Variants in CLEC10A observed in about 807,000 individuals in gnomAD.
CLEC10A encodes the protein C-type lectin domain family 10 member A.
In CLEC10A, 38 loss-of-function variants were observed where a neutral mutation model predicts 42.0. The ratio of observed to expected loss-of-function variants is 0.90; its 90% confidence interval spans 0.70 to 1.18. The LOEUF is 1.18. CLEC10A is among the 50% of genes most tolerant of loss of function. CLEC10A has a pLI of 0.00. For synonymous variants in CLEC10A, 126 were observed against 139.9 expected (o/e 0.90, Z 0.70); for missense variants, 298 against 345.9 (o/e 0.86, Z 1.10).
intron 5 of CLEC10A, 47 bp from the exon 6 acceptor site, chr17:7,076,118 C>G: frequency 1.9e-6 from 3 of 1,614,086 alleles, no homozygotes; most frequent in Non-Finnish European, 2.5e-6. Flanking sequence ...CTAGGTGTGC[C>G]TTCTGCGTAG....
chr17:7,075,915 G>A (rs1395693031), intron 6 of CLEC10A, 30 bp from the exon 7 acceptor site: 6 of 1,610,862 alleles, frequency 3.7e-6, no homozygotes, highest in Non-Finnish European at 5.1e-6. Flanking sequence ...ATAGGGTGGA[G>A]AGGCTGAGGC....
chr17:7,079,189 G>C, intron 1 of CLEC10A, among the ~76,000 whole-genome samples: 1 of 152,142 alleles, frequency 6.6e-6, no homozygotes, highest in East Asian at 1.9e-4. Flanking sequence ...GGTTAACTTT[G>C]GTGGTGAATT....
Position 7,077,318 on chromosome 17 carries a change from C to CCT in CLEC10A, c.185-332_185-331insAG, listed in dbSNP as rs1394342511. On this transcript the variant is annotated intron_variant, in intron 3 of 8. Transcript: ENST00000416562. ...CCCATCAATCACTCCATCAGTGCCC[C>CCT]CATCACCATTCCCATCAATCACTCC... Among the ~76,000 whole-genome samples, 581 of 128,794 alleles carry CCT rather than the reference C, an allele frequency of 4.5e-3. 53 individuals carry two copies. Among genetic ancestry groups the CCT allele is most frequent in the African/African-American group, 9.2e-3 (292 of 31,898 alleles). 84.5% of individuals were successfully genotyped at this position (128,794 alleles called of 152,430 possible). A position where few individuals can be genotyped will look rare whatever the true frequency, so the allele number is the denominator to read the frequency against.
Position 7,074,733 on chromosome 17 carries a change from A to C in CLEC10A, c.*321T>G. On this transcript the variant is annotated 3_prime_UTR_variant, in exon 9 of 9. Transcript: ENST00000416562. ...GAGGGGACTGGTGGGGGCGATGGCA[A>C]TGTTATCTATTGCGATCGGAGTGGT... 5.3e-6 allele frequency: 1 copy of C among 187,330 alleles called. No individual in the cohort carries two copies. Among genetic ancestry groups the C allele is most frequent in the Non-Finnish European group, 1.1e-5 (1 of 91,862 alleles). 11.6% of individuals were successfully genotyped at this position (187,330 alleles called of 1,614,324 possible). A position where few individuals can be genotyped will look rare whatever the true frequency, so the allele number is the denominator to read the frequency against.
chr17:7,079,588 A>G (rs1000696172), intron 1 of CLEC10A, among the ~76,000 whole-genome samples: 1 of 152,146 alleles, frequency 6.6e-6, no homozygotes, highest in Admixed American at 6.5e-5. Context: ...GTCTCAAAAA[A>G]AAAGAAAATG....
Position 7,078,839 on chromosome 17 carries a change from G to T in CLEC10A, c.-27C>A, listed in dbSNP as rs764700238. The stretch of plus-strand genomic sequence containing the variant: ...CTTGGGCCAACACGGCTCTGAGGTT[G>T]TCACAGCTGAAATGGAGGCAGGGCC... On this transcript the variant is annotated 5_prime_UTR_variant, in exon 2 of 9. Coordinates refer to ENST00000416562, the MANE Select transcript of CLEC10A (RefSeq NM_001330070.2). The T allele has an allele frequency of 3.1e-6, 5 of 1,612,112 alleles. No homozygotes were observed. The highest frequency in any genetic ancestry group is 1.7e-5 in the Admixed American group (1 of 60,000).
In CLEC10A at chr17:7,076,893, C is replaced by G; in HGVS notation, c.279G>C (p.Gln93His). 6.2e-7 allele frequency: 1 copy of G among 1,614,032 alleles called. No homozygotes were observed. Among genetic ancestry groups the G allele is most frequent in the Non-Finnish European group, 8.5e-7 (1 of 1,179,976 alleles). ...TVAEIQALTSQGSSLEETIAS... is the reference protein window; with the variant it reads ...TVAEIQALTSHGSSLEETIAS... ...GAGCCCCATCCAAACCAGACTCACC[C>G]TGGGAAGTCAGTGCCTGGATCTCCG... The change falls in exon 4 of 9, where the codon CAG becomes CAC. Residue 93 changes from glutamine to histidine, a missense_variant and splice_region_variant. Physicochemically the swap from Gln to His is conservative, Grantham distance 24 (BLOSUM62 0). Transcript: ENST00000416562.
Position 7,075,153 on chromosome 17 carries a change from G to A in CLEC10A, c.771C>T (p.His257=). 6.8e-6 allele frequency: 11 copies of A among 1,608,224 alleles called. No homozygotes were observed. Among genetic ancestry groups the A allele is most frequent in the Non-Finnish European group, 9.3e-6 (11 of 1,178,274 alleles). ...CATTCCACCTGCCGTCTGGATGGAA[G>A]TGAGCACAGTCCTCGCCTCCACCCA... ...HGLGGGEDCA[H]FHPDGRWNDD... is the part of the protein sequence containing the mutation. Residue 257 remains histidine, a synonymous_variant, in exon 9 of 9, where the codon CAC becomes CAT. Transcript: ENST00000416562.
rs1911606993 is a variant in CLEC10A at position 7,074,606 on chromosome 17, T to A, written c.*448A>T. On this transcript the variant is annotated 3_prime_UTR_variant, in exon 9 of 9. Transcript: ENST00000416562. ...ACGAGAGTGTATGATTTCACTTATA[T>A]GAAGTTCTAGAAGCTCTAGAAGAGG... 1 of 153,402 alleles carries A rather than the reference T, an allele frequency of 6.5e-6. No homozygotes were observed. The allele number at this position is 153,402 out of a possible 1,614,324, so 9.5% of individuals were successfully genotyped here. A position where few individuals can be genotyped will look rare whatever the true frequency, so the allele number is the denominator to read the frequency against.
At chr17:7,078,710 G>C in intron 2 of CLEC10A, 36 bp downstream of exon 2, 2 of 1,585,404 alleles carry the variant, frequency 1.3e-6, no homozygotes, top group Non-Finnish European at 1.7e-6. Flanking sequence ...AACATATAAA[G>C]AGGGCATTTT....
At chr17:7,078,958 G>A (rs1441950805) in intron 1 of CLEC10A, 73 bp from the exon 2 acceptor site, 17 of 737,050 alleles carry the variant, frequency 2.3e-5, no homozygotes, top group Non-Finnish European at 3.7e-5. Flanking sequence ...ATGAGGCTCA[G>A]GTTGAGAATG....
intron 5 of CLEC10A, chr17:7,076,283 C>A (rs1203631779): frequency 2.8e-6 from 2 of 702,514 alleles, no homozygotes; most frequent in South Asian, 2.3e-5. Flanking sequence ...CCAGAGAAAG[C>A]ATGCTGCCTT....
rs190240638 is a variant in CLEC10A at position 7,075,469 on chromosome 17, G to A, written c.595-3C>T. 6.9e-4 allele frequency: 1,063 copies of A among 1,531,956 alleles called. 6 individuals carry two copies. The African/African-American group carries it at 0.012, about 18-fold the overall frequency. 94.9% of individuals were successfully genotyped at this position (1,531,956 alleles called of 1,614,324 possible). A position where few individuals can be genotyped will look rare whatever the true frequency, so the allele number is the denominator to read the frequency against. ...CCTAGATATTTCTGGACAAAATTCTGCGGTGACAGAAGGGCAGTGGTGACT... is the reference window on the plus strand; with the variant it reads ...CCTAGATATTTCTGGACAAAATTCTACGGTGACAGAAGGGCAGTGGTGACT... On this transcript the variant is annotated splice_region_variant and splice_polypyrimidine_tract_variant and intron_variant, in intron 7 of 8. Transcript: ENST00000416562.
At chr17:7,079,071 C>T (rs966225378) in intron 1 of CLEC10A, among the ~76,000 whole-genome samples, 186 bp from the exon 2 acceptor site, 2 of 152,068 alleles carry the variant, frequency 1.3e-5, no homozygotes, top group Non-Finnish European at 2.9e-5. Flanking sequence ...TGGAGCTAAA[C>T]GCATTGCTAG....
intron 8 of CLEC10A, 22 bp downstream of exon 8, chr17:7,075,338 C>T: frequency 6.6e-7 from 1 of 1,510,358 alleles, no homozygotes; most frequent in Non-Finnish European, 8.8e-7. Flanking sequence ...GACATTGGCA[C>T]AGAAAGCCAG....
At chr17:7,077,506 C>A (rs1292113088) in intron 3 of CLEC10A, among the ~76,000 whole-genome samples, 1 of 111,664 alleles carries the variant, frequency 9.0e-6, no homozygotes, top group Non-Finnish European at 1.9e-5. Flanking sequence ...CACCACCATT[C>A]CCATCAATCA....
At position 7,075,972 on chromosome 17, in the gene CLEC10A, A is replaced by T. The variant is rs373310764; in HGVS notation, c.439+13T>A. ...AGAAAAGTAGGGCCAGGTACTCCCC[A>T]TACCTTCCTCACCATTGTTGTTGAG... On this transcript the variant is annotated intron_variant, in intron 6 of 8. Coordinates refer to ENST00000416562, the MANE Select transcript of CLEC10A (RefSeq NM_001330070.2). 1 of 1,613,974 alleles carries T rather than the reference A, an allele frequency of 6.2e-7. No homozygotes were observed. The highest frequency in any genetic ancestry group is 1.3e-5 in the African/African-American group (1 of 74,904).
intron 1 of CLEC10A, among the ~76,000 whole-genome samples, 167 bp from the exon 2 acceptor site, chr17:7,079,052 G>A (rs957579133): frequency 9.2e-5 from 14 of 152,200 alleles, no homozygotes; most frequent in Non-Finnish European, 1.9e-4. Context: ...TGAAACTGGA[G>A]GGTAACGTTG....
At chr17:7,076,387 G>A (rs1289970074) in intron 5 of CLEC10A, among the ~76,000 whole-genome samples, 3 of 144,416 alleles carry the variant, frequency 2.1e-5, no homozygotes, top group African/African-American at 5.2e-5. Context: ...CTCGGCTCAC[G>A]GCTACCTCCG....
Sources: gnomAD v4.1 joint callset for allele counts (sites outside exome capture counted in the v4.1 genomes callset) on GRCh38, gnomAD v4.1.1 for gene constraint, MANE v1.5 for transcripts, NCBI Gene and HGNC (gene_info 2026-07-23, HGNC 2026-07-21) for gene names.